Variants in WDR27 observed in about 807,000 individuals in gnomAD.
WDR27 encodes WD repeat domain 27, also known as WD repeat-containing protein 27.
A neutral mutation model predicts 114.4 loss-of-function variants in WDR27; 100 were observed. The ratio of observed to expected loss-of-function variants is 0.87; its 90% CI spans 0.74 to 1.03. The LOEUF (loss-of-function observed/expected upper bound fraction) is 1.03. Among genes scored for constraint, WDR27 ranks in the 50% least tolerant of loss-of-function variants. The pLI is 0.00. For synonymous variants in WDR27, 449 were observed against 423.1 expected, an observed-to-expected ratio of 1.06 and a Z score of -0.75; for missense variants, 1,129 against 1,092.9, an observed-to-expected ratio of 1.03 and a Z score of -0.47.
At chr6:169,452,208 C>A in the WDR27 span, among the ~76,000 whole-genome samples, 1 of 152,238 alleles carries the variant, frequency 6.6e-6, no homozygotes, top group Non-Finnish European at 1.5e-5. Context: ...TTTCCTCATG[C>A]CTCTGCAATG....
chr6:169,537,525 A>G (rs879280557), intron 25 of WDR27, among the ~76,000 whole-genome samples: 4 of 152,210 alleles, frequency 2.6e-5, no homozygotes, highest in Non-Finnish European at 5.9e-5. Flanking sequence ...TAAAATAGAA[A>G]TGATTGAGAA....
chr6:169,656,573 G>A (rs1584950264), intron 13 of WDR27, among the ~76,000 whole-genome samples: 1 of 152,296 alleles, frequency 6.6e-6, no homozygotes, highest in African/African-American at 2.4e-5. Context: ...TCGGGGGGCT[G>A]AGAACGAGGA....
chr6:169,619,756 C>T (rs1016652847), intron 21 of WDR27, among the ~76,000 whole-genome samples: 2 of 152,152 alleles, frequency 1.3e-5, no homozygotes. Flanking sequence ...AGTGGCTGCC[C>T]TTGGAGACAA....
chr6:169,520,604 A>C (rs774130619), intron 25 of WDR27, among the ~76,000 whole-genome samples: 2 of 152,218 alleles, frequency 1.3e-5, no homozygotes, highest in Non-Finnish European at 2.9e-5. Context: ...TCTCTCACCA[A>C]GAATGCAAAG....
At chr6:169,488,731 A>G (rs900534874) in intron 25 of WDR27, among the ~76,000 whole-genome samples, 1 of 152,214 alleles carries the variant, frequency 6.6e-6, no homozygotes, top group Non-Finnish European at 1.5e-5. Context: ...AAGGGGACAC[A>G]GACAGCACTG....
chr6:169,667,324 C>T (rs910633345), intron 5 of WDR27, 137 bp from the exon 6 acceptor site: 1 of 1,238,856 alleles, frequency 8.1e-7, no homozygotes, highest in Non-Finnish European at 1.0e-6. Flanking sequence ...AAAATGAGCA[C>T]AAAAATAATA....
chr6:169,668,218 T>C (rs749698095), intron 4 of WDR27, 33 bp from the exon 5 acceptor site: 1 of 1,607,976 alleles, frequency 6.2e-7, no homozygotes, highest in Non-Finnish European at 8.5e-7. Context: ...ATTCCTCTGT[T>C]CAAGCTGGAA....
chr6:169,658,422 G>A, intron 12 of WDR27, 64 bp from the exon 13 acceptor site: 1 of 1,226,128 alleles, frequency 8.2e-7, no homozygotes, highest in Admixed American at 2.0e-5. Flanking sequence ...AAATGCCTCA[G>A]TGACACACAC....
At chr6:169,533,373 A>G (rs1282673412) in intron 25 of WDR27, among the ~76,000 whole-genome samples, 2 of 152,208 alleles carry the variant, frequency 1.3e-5, no homozygotes, top group African/African-American at 4.8e-5. Context: ...TCCTATGCCC[A>G]GGAGTGACTG....
chr6:169,697,983 G>C (rs1188260436), intron 1 of WDR27, among the ~76,000 whole-genome samples: 2 of 152,202 alleles, frequency 1.3e-5, no homozygotes, highest in African/African-American at 4.8e-5. Flanking sequence ...CCTACAGGCA[G>C]AATATGAATG....
At chr6:169,473,919 C>T (rs928873553) in intron 25 of WDR27, among the ~76,000 whole-genome samples, 5 of 152,218 alleles carry the variant, frequency 3.3e-5, no homozygotes, top group African/African-American at 1.2e-4. Context: ...GCCTCTGCTT[C>T]TCTGTTTCAG....
At position 169,565,412 on chromosome 6, in the gene WDR27, G is replaced by A. The variant is rs574170848; in HGVS notation, c.2645+7007C>T. Reference sequence around the variant, plus strand: ...TTCAGATAAGGCGGAACACTGCCCCGCATCTGGGATCCATTTAATATTTCA... The same window carrying A: ...TTCAGATAAGGCGGAACACTGCCCCACATCTGGGATCCATTTAATATTTCA... On this transcript the variant is annotated intron_variant, in intron 25 of 25. Coordinates refer to ENST00000448612, the MANE Select transcript of WDR27 (RefSeq NM_182552.5). 5.9e-5 allele frequency among the ~76,000 whole-genome samples: 9 copies of A among 152,066 alleles called. No homozygotes were observed. In the South Asian group the frequency reaches 1.0e-3, roughly 18 times the overall value.
the WDR27 span, among the ~76,000 whole-genome samples, chr6:169,433,166 G>C: frequency 1.3e-5 from 2 of 152,090 alleles, no homozygotes; most frequent in Non-Finnish European, 2.9e-5. Context: ...ATGTGCCATG[G>C]TGGTTTGCTG....
At chr6:169,484,831 A>C (rs1788672031) in intron 25 of WDR27, among the ~76,000 whole-genome samples, 1 of 152,178 alleles carries the variant, frequency 6.6e-6, no homozygotes, top group South Asian at 2.1e-4. Context: ...CACAGAGACC[A>C]ATTGAACAGA....
intron 2 of WDR27, among the ~76,000 whole-genome samples, chr6:169,687,132 A>T (rs1242640371): frequency 6.6e-6 from 1 of 152,202 alleles, no homozygotes; most frequent in Non-Finnish European, 1.5e-5. Context: ...GCCAGAAGAA[A>T]AAAACTATAA....
At chr6:169,438,529 AC>A in the WDR27 span, among the ~76,000 whole-genome samples, 1 of 151,952 alleles carries the variant, frequency 6.6e-6, no homozygotes, top group Non-Finnish European at 1.5e-5. Context: ...GAGCCACCGC[AC>A]CCAGCCATGC....
intron 4 of WDR27, 121 bp from the exon 5 acceptor site, chr6:169,668,306 G>T (rs1828458582): frequency 2.0e-6 from 2 of 991,484 alleles, no homozygotes; most frequent in Non-Finnish European, 3.0e-6. Context: ...CACAGTCTCA[G>T]CAGTGTTAAA....
chr6:169,504,925 A>C (rs1185345363), intron 25 of WDR27, among the ~76,000 whole-genome samples: 2 of 152,192 alleles, frequency 1.3e-5, no homozygotes, highest in East Asian at 3.9e-4. Context: ...TTCTTTGAAG[A>C]CTTTTGTGGA....
chr6:169,637,465 G>A (rs1296046507), intron 18 of WDR27, among the ~76,000 whole-genome samples: 1 of 152,238 alleles, frequency 6.6e-6, no homozygotes, highest in South Asian at 2.1e-4. Context: ...ATCTATCTGC[G>A]TGTGTGCCTA....
Sources: allele counts gnomAD v4.1 joint callset (sites outside exome capture counted in the v4.1 genomes callset), GRCh38; gene constraint gnomAD v4.1.1; transcripts MANE v1.5; gene names NCBI Gene and HGNC (gene_info 2026-07-23, HGNC 2026-07-21).